Variants in PEX14 observed in about 807,000 individuals in gnomAD.
The protein encoded by PEX14 is peroxisomal membrane protein PEX14.
A neutral mutation model predicts 49.5 loss-of-function variants in PEX14; 15 were observed. The ratio of observed to expected loss-of-function variants is 0.30; its 90% CI spans 0.20 to 0.47. The LOEUF (loss-of-function observed/expected upper bound fraction) is 0.47, where lower values mean the gene tolerates loss of function less well. Ranked by LOEUF, PEX14 falls within the 20% of genes least tolerant of loss-of-function variation. The probability of loss-of-function intolerance (pLI) is 1.00; values close to 1 mark genes in which losing one functional copy is unlikely to be tolerated. For missense variants in PEX14, 398 were observed against 494.8 expected (o/e 0.80, Z 1.86); for synonymous variants, 210 against 212.7 (o/e 0.99, Z 0.11).
intron 3 of PEX14, among the ~76,000 whole-genome samples, chr1:10,589,949 C>T (rs1640611149): frequency 6.6e-6 from 1 of 152,176 alleles, no homozygotes; most frequent in African/African-American, 2.4e-5. Context: ...GAATGATAGG[C>T]TGGAAGTCAG....
chr1:10,497,855 T>G (rs1422158401), intron 2 of PEX14, among the ~76,000 whole-genome samples: 1 of 152,260 alleles, frequency 6.6e-6, no homozygotes, highest in East Asian at 1.9e-4. Flanking sequence ...TCTTTTTGTT[T>G]TTAACTGAAT....
At chr1:10,535,954 A>G in intron 2 of PEX14, 1 of 451,926 alleles carries the variant, frequency 2.2e-6, no homozygotes. Flanking sequence ...ATCAGGAGGA[A>G]CAGGAAGGAT....
chr1:10,536,480 C>T (rs940167183), intron 3 of PEX14, 183 bp downstream of exon 3: 15 of 623,962 alleles, frequency 2.4e-5, no homozygotes, highest in Admixed American at 5.4e-5. Flanking sequence ...GACAATGGAG[C>T]GGCAAGATGA....
chr1:10,608,351 A>AGTT (rs1641181303), intron 4 of PEX14, among the ~76,000 whole-genome samples: 2 of 152,160 alleles, frequency 1.3e-5, no homozygotes, highest in Non-Finnish European at 2.9e-5. Context: ...ATCCGCATTG[A>AGTT]GTTACATGTC....
At chr1:10,584,436 G>A (rs1190347037) in intron 3 of PEX14, among the ~76,000 whole-genome samples, 1 of 152,148 alleles carries the variant, frequency 6.6e-6, no homozygotes, top group Non-Finnish European at 1.5e-5. Flanking sequence ...TTATTCTGTG[G>A]TTATATACAA....
At chr1:10,609,799 C>T (rs1217531598) in intron 4 of PEX14, among the ~76,000 whole-genome samples, 6 of 152,042 alleles carry the variant, frequency 3.9e-5, no homozygotes, top group Admixed American at 3.9e-4. Context: ...GCAGGAGAAT[C>T]CCATGAACCC....
chr1:10,580,125 A>G (rs1412669277), intron 3 of PEX14, among the ~76,000 whole-genome samples: 1 of 152,154 alleles, frequency 6.6e-6, no homozygotes, highest in African/African-American at 2.4e-5. Context: ...AGCAATAACA[A>G]TAATGTAGTG....
intron 3 of PEX14, among the ~76,000 whole-genome samples, chr1:10,573,357 G>C (rs1037347521): frequency 6.6e-6 from 1 of 152,140 alleles, no homozygotes; most frequent in Non-Finnish European, 1.5e-5. Flanking sequence ...AGCACTTTGG[G>C]AGGCCAAAGC....
At chr1:10,520,984 T>TTA (rs1638274681) in intron 2 of PEX14, among the ~76,000 whole-genome samples, 1 of 151,482 alleles carries the variant, frequency 6.6e-6, no homozygotes, top group Admixed American at 6.6e-5. Context: ...TTGTCTTTTT[T>TTA]TTTTTTTTTA....
chr1:10,524,851 A>T (rs1332207224), intron 2 of PEX14, among the ~76,000 whole-genome samples: 1 of 150,778 alleles, frequency 6.6e-6, no homozygotes, highest in Non-Finnish European at 1.5e-5. Flanking sequence ...CAAGCTATTT[A>T]AAAAAAACAA....
At chr1:10,611,220 G>A (rs917775387) in intron 4 of PEX14, among the ~76,000 whole-genome samples, 7 of 151,948 alleles carry the variant, frequency 4.6e-5, no homozygotes, top group East Asian at 1.9e-4. Context: ...CTGAGATTGC[G>A]CCACTGCACT....
At chr1:10,583,383 C>CCT (rs1553193292) in intron 3 of PEX14, among the ~76,000 whole-genome samples, 4 of 127,926 alleles carry the variant, frequency 3.1e-5, no homozygotes, top group Non-Finnish European at 6.6e-5. Flanking sequence ...TTGCACCCAG[C>CCT]TTTTTTTTTT....
At chr1:10,592,272 G>C (rs1162514777) in intron 3 of PEX14, among the ~76,000 whole-genome samples, 1 of 152,158 alleles carries the variant, frequency 6.6e-6, no homozygotes, top group Non-Finnish European at 1.5e-5. Context: ...GGGAAGGGCT[G>C]ACTTTTCTAC....
chr1:10,606,256 G>A (rs138016115), intron 4 of PEX14, among the ~76,000 whole-genome samples: 12 of 152,334 alleles, frequency 7.9e-5, no homozygotes, highest in African/African-American at 1.7e-4. Flanking sequence ...CATCCGTCTC[G>A]TGGTGCAGTG....
chr1:10,570,916 C>T (rs1393217493), intron 3 of PEX14, among the ~76,000 whole-genome samples: 2 of 138,136 alleles, frequency 1.4e-5, no homozygotes, highest in Admixed American at 8.3e-5. Flanking sequence ...GGCGTGATCA[C>T]AGCTCACTGC....
chr1:10,523,906 C>T (rs1362259386), intron 2 of PEX14, among the ~76,000 whole-genome samples: 3 of 150,808 alleles, frequency 2.0e-5, no homozygotes, highest in Admixed American at 1.3e-4. Flanking sequence ...CGGGAGTCCT[C>T]GTCAATTTGG....
intron 2 of PEX14, among the ~76,000 whole-genome samples, chr1:10,520,262 G>A (rs1043180508): frequency 1.3e-5 from 2 of 150,718 alleles, no homozygotes; most frequent in South Asian, 2.1e-4. Flanking sequence ...GAGCTCAAGC[G>A]ATCCTCCTGC....
chr1:10,584,577 A>T (rs1312168128), intron 3 of PEX14, among the ~76,000 whole-genome samples: 1 of 152,240 alleles, frequency 6.6e-6, no homozygotes, highest in Non-Finnish European at 1.5e-5. Flanking sequence ...ATCAATAGAG[A>T]ATAATAAAGC....
chr1:10,622,887 A>C, intron 5 of PEX14, 132 bp from the exon 6 acceptor site: 2 of 706,604 alleles, frequency 2.8e-6, no homozygotes, highest in African/African-American at 3.5e-5. Context: ...TATCTTGTTC[A>C]TTTATGGTGT....
Sources: gnomAD v4.1 joint callset for allele counts (sites outside exome capture counted in the v4.1 genomes callset) on GRCh38, gnomAD v4.1.1 for gene constraint, MANE v1.5 for transcripts, NCBI Gene and HGNC (gene_info 2026-07-23, HGNC 2026-07-21) for gene names.